ZNF385D: variants seen among roughly 807,000 people sequenced by gnomAD.
The protein encoded by ZNF385D is zinc finger protein 659.
In ZNF385D, 15 loss-of-function variants were observed where a neutral mutation model predicts 35.8. The ratio of observed to expected loss-of-function variants is 0.42; its 90% CI spans 0.28 to 0.64. The LOEUF is 0.64. Ranked by LOEUF, ZNF385D falls within the 30% of genes least tolerant of loss-of-function variation. ZNF385D has a pLI of 0.23. For synonymous variants in ZNF385D, 212 were observed against 186.8 expected (o/e 1.13, Z -1.10); for missense variants, 474 against 494.6 (o/e 0.96, Z 0.39).
chr3:21,415,406 T>C lies in ZNF385D; in HGVS notation c.*5808A>G, dbSNP rs1700549165. 2 of 152,216 alleles carry C rather than the reference T, an allele frequency of 1.3e-5. No individual in the cohort carries two copies. The highest frequency in any genetic ancestry group is 4.1e-4 in the South Asian group (2 of 4,824). 9.4% of individuals were successfully genotyped at this position (152,216 alleles called of 1,614,324 possible). A position where few individuals can be genotyped will look rare whatever the true frequency, so the allele number is the denominator to read the frequency against. ...GCTAGAGTGCATAACATCTTAACAT[T>C]ATATCTACTTCCCAGCCCCTCCAAT... is the stretch of plus-strand genomic sequence containing the variant. On this transcript the variant is annotated 3_prime_UTR_variant, in exon 8 of 8. Transcript: ENST00000281523.
At chr3:22,271,592 C>T (rs534671409) in intron 2 of ZNF385D, among the ~76,000 whole-genome samples, 1 of 152,014 alleles carries the variant, frequency 6.6e-6, no homozygotes, top group Non-Finnish European at 1.5e-5. Flanking sequence ...TGATCCCAGC[C>T]ACACTCCATG....
chr3:21,934,795 T>C (rs1246044062), intron 3 of ZNF385D, among the ~76,000 whole-genome samples: 1 of 152,196 alleles, frequency 6.6e-6, no homozygotes, highest in Non-Finnish European at 1.5e-5. Context: ...TACTAACAGA[T>C]GAGCTTGTTT....
chr3:21,884,927 A>C (rs1486196877), intron 3 of ZNF385D, among the ~76,000 whole-genome samples: 4 of 152,054 alleles, frequency 2.6e-5, no homozygotes, highest in Non-Finnish European at 4.4e-5. Context: ...TTGTAAATAA[A>C]GTTTTTCAGG....
intron 4 of ZNF385D, among the ~76,000 whole-genome samples, chr3:21,456,165 G>A (rs1559463103): frequency 1.3e-5 from 2 of 152,266 alleles, no homozygotes; most frequent in East Asian, 3.9e-4. Flanking sequence ...AACCATTGTG[G>A]AAGACAGTGT....
intron 3 of ZNF385D, among the ~76,000 whole-genome samples, chr3:21,976,084 G>T (rs1158940850): frequency 6.6e-6 from 1 of 152,136 alleles, no homozygotes; most frequent in Non-Finnish European, 1.5e-5. Context: ...TGTATATGGG[G>T]AAAACTAGAG....
intron 2 of ZNF385D, among the ~76,000 whole-genome samples, chr3:21,643,508 A>C (rs1420334351): frequency 6.6e-6 from 1 of 152,126 alleles, no homozygotes; most frequent in Non-Finnish European, 1.5e-5. Flanking sequence ...AGAAAAACAT[A>C]TGTCTGCATG....
chr3:22,197,410 G>A (rs1382313011), intron 2 of ZNF385D, among the ~76,000 whole-genome samples: 1 of 151,884 alleles, frequency 6.6e-6, no homozygotes, highest in Non-Finnish European at 1.5e-5. Context: ...AGATATTTTA[G>A]TGAGTTGTTT....
intron 4 of ZNF385D, among the ~76,000 whole-genome samples, chr3:21,505,139 A>T (rs981136082): frequency 2.0e-5 from 3 of 152,176 alleles, no homozygotes; most frequent in Non-Finnish European, 4.4e-5. Context: ...TGCAGAACTC[A>T]AAATAAACGA....
intron 2 of ZNF385D, among the ~76,000 whole-genome samples, chr3:22,359,561 G>A (rs111491830): frequency 0.029 from 4,348 of 151,694 alleles, 212 homozygotes; most frequent in African/African-American, 0.099. Flanking sequence ...TAATGATAAC[G>A]GAGCAATCAT....
intron 3 of ZNF385D, among the ~76,000 whole-genome samples, chr3:21,517,081 TA>T (rs10711001): frequency 0.56 from 85,356 of 151,730 alleles, 24,406 homozygotes; most frequent in East Asian, 0.69. Flanking sequence ...AAAAAAAGCT[TA>T]AAATTTTATC....
chr3:22,143,168 C>T lies in ZNF385D; in HGVS notation c.325+25649G>A, dbSNP rs1280619774. ...CACGATCTCCGCTCACTCTAAGCTCCGCCTCCCAAGTTCACTCCATTCTCC... is the reference window on the plus strand; with the variant it reads ...CACGATCTCCGCTCACTCTAAGCTCTGCCTCCCAAGTTCACTCCATTCTCC... On this transcript the variant is annotated intron_variant, in intron 3 of 5. Transcript: ENST00000494108. Among the ~76,000 whole-genome samples the T allele has an allele frequency of 3.3e-5, 5 of 150,090 alleles. No homozygotes were observed. In the South Asian group the frequency reaches 6.3e-4, roughly 19 times the overall value.
intron 2 of ZNF385D, among the ~76,000 whole-genome samples, chr3:22,369,681 T>C (rs2125233426): frequency 6.6e-6 from 1 of 152,324 alleles, no homozygotes; most frequent in Non-Finnish European, 1.5e-5. Flanking sequence ...GATAATTCCA[T>C]TCATGTATGG....
chr3:22,158,944 A>T (rs927787024), intron 3 of ZNF385D, among the ~76,000 whole-genome samples: 1 of 152,110 alleles, frequency 6.6e-6, no homozygotes, highest in Non-Finnish European at 1.5e-5. Context: ...TAAAGGAAGG[A>T]AAACAAAAGT....
chr3:21,596,608 C>G (rs969411699), intron 2 of ZNF385D, among the ~76,000 whole-genome samples: 5 of 150,640 alleles, frequency 3.3e-5, no homozygotes, highest in African/African-American at 1.2e-4. Context: ...AGCCTACTGG[C>G]CAGCTGAGAC....
chr3:21,876,793 T>G (rs1419697951), intron 3 of ZNF385D, among the ~76,000 whole-genome samples: 12 of 152,096 alleles, frequency 7.9e-5, no homozygotes, highest in Admixed American at 7.2e-4. Context: ...GAAAATAACA[T>G]TCTGTACAGC....
intron 3 of ZNF385D, among the ~76,000 whole-genome samples, chr3:22,091,494 C>A (rs1450784114): frequency 6.6e-6 from 1 of 152,076 alleles, no homozygotes; most frequent in Non-Finnish European, 1.5e-5. Flanking sequence ...ACACCCTGGT[C>A]TGTAGAGATC....
intron 2 of ZNF385D, among the ~76,000 whole-genome samples, chr3:22,370,724 C>T (rs373105496): frequency 6.6e-6 from 1 of 152,100 alleles, no homozygotes; most frequent in Non-Finnish European, 1.5e-5. Context: ...TCCTTGTCTA[C>T]GGAATGGAGA....
intron 2 of ZNF385D, among the ~76,000 whole-genome samples, chr3:22,301,409 C>G (rs908437996): frequency 1.3e-5 from 2 of 151,784 alleles, no homozygotes; most frequent in Admixed American, 6.6e-5. Context: ...TTAAAAATTG[C>G]GAGGTGAGTG....
At chr3:22,117,602 C>CT (rs1247880807) in intron 3 of ZNF385D, among the ~76,000 whole-genome samples, 1 of 151,514 alleles carries the variant, frequency 6.6e-6, no homozygotes, top group Non-Finnish European at 1.5e-5. Context: ...AAATGATATT[C>CT]TTTTAACTTT....
Sources: gnomAD v4.1 joint callset for allele counts (sites outside exome capture counted in the v4.1 genomes callset) on GRCh38, gnomAD v4.1.1 for gene constraint, MANE v1.5 for transcripts, NCBI Gene and HGNC (gene_info 2026-07-23, HGNC 2026-07-21) for gene names.